Variants in WDR48 observed in about 807,000 individuals in gnomAD.
WDR48 encodes the protein WD repeat-containing protein 48.
WDR48 carries 22 observed loss-of-function variants against 94.0 expected under a neutral mutation model. That is an observed-to-expected ratio of 0.23 (90% CI 0.17 to 0.33). The LOEUF (loss-of-function observed/expected upper bound fraction) is 0.33. Ranked by LOEUF, WDR48 falls within the 10% of genes least tolerant of loss-of-function variation. The pLI is 1.00. For missense variants in WDR48, 541 were observed against 813.8 expected, an observed-to-expected ratio of 0.66 and a Z score of 4.08; for synonymous variants, 278 against 280.5, an observed-to-expected ratio of 0.99 and a Z score of 0.09.
rs1201057574 is a variant in WDR48, at chr3:39,089,216, A to T, written c.1581-15A>T. 2 of 1,608,744 alleles carry T rather than the reference A, an allele frequency of 1.2e-6. No homozygotes were observed. Among genetic ancestry groups the T allele is most frequent in the African/African-American group, 2.7e-5 (2 of 74,752 alleles). On this transcript the variant is annotated splice_polypyrimidine_tract_variant and intron_variant, in intron 15 of 18. Coordinates refer to ENST00000302313, the MANE Select transcript of WDR48 (RefSeq NM_020839.4). ...TGCTTGTTGGGTTACTTACTACTTGATGGTTTATGTTTAGGCTGCTCTGCC... is the reference window on the plus strand; with the variant it reads ...TGCTTGTTGGGTTACTTACTACTTGTTGGTTTATGTTTAGGCTGCTCTGCC...
Position 39,094,878 on chromosome 3 carries a change from C to G in WDR48, c.*135C>G. ...ATTGGTATGGACCGAGATTATCTTT[C>G]AATTGAAGTGACTAATCGAGATGTA... On this transcript the variant is annotated 3_prime_UTR_variant, in exon 19 of 19. Transcript: ENST00000302313. 1 of 1,138,048 alleles carries G rather than the reference C, an allele frequency of 8.8e-7. No individual in the cohort carries two copies. The highest frequency in any genetic ancestry group is 1.2e-6 in the Non-Finnish European group (1 of 801,730). The allele number at this position is 1,138,048 out of a possible 1,614,324, so 70.5% of individuals were successfully genotyped here.
In WDR48 at chr3:39,084,707, T is replaced by C; in HGVS notation, c.1344T>C (p.Ala448=). ...CTGCCTGGGTTTCTGCAAAAGATGC[T>C]GGTTTCAGCAGCCCTGATGGGTCAG... ...CFAAWVSAKD[A]GFSSPDGSDP... Residue 448 remains alanine, a synonymous_variant, in exon 13 of 19, where the codon GCT becomes GCC. Transcript: ENST00000302313. 6.2e-7 allele frequency: 1 copy of C among 1,613,910 alleles called. No individual in the cohort carries two copies. Among genetic ancestry groups the C allele is most frequent in the South Asian group, 1.1e-5 (1 of 91,068 alleles).
In WDR48 at chr3:39,063,063, T is replaced by C. The variant is rs775276053; in HGVS notation, c.62T>C (p.Ile21Thr). The C allele has an allele frequency of 2.5e-6, 4 of 1,614,106 alleles. No individual in the cohort carries two copies. Among genetic ancestry groups the C allele is most frequent in the Admixed American group, 3.3e-5 (2 of 60,016 alleles). ...GRRKVQVSYV[I>T]RDEVEKYNRN... is the part of the protein sequence containing the mutation. The stretch of plus-strand genomic sequence containing the variant: ...CACATTTGTCAGGTTTCCTATGTTA[T>C]TCGAGATGAAGTGGAGAAGTACAAC... Residue 21 changes from isoleucine to threonine, a missense_variant, in exon 2 of 19, where the codon ATT (isoleucine) becomes ACT (threonine). Coordinates refer to ENST00000302313, the MANE Select transcript of WDR48 (RefSeq NM_020839.4).
At chr3:39,072,123 A>G (rs989884758) in intron 7 of WDR48, among the ~76,000 whole-genome samples, 1 of 152,208 alleles carries the variant, frequency 6.6e-6, no homozygotes, top group African/African-American at 2.4e-5. Flanking sequence ...AATCCCATGA[A>G]TATCTACCTG....
intron 5 of WDR48, 70 bp downstream of exon 5, chr3:39,066,945 C>A: frequency 6.5e-7 from 1 of 1,546,788 alleles, no homozygotes; most frequent in South Asian, 1.2e-5. Flanking sequence ...GTTTATAAAA[C>A]ATTTTTGATA....
rs756337883 is a variant in WDR48 at position 39,094,757 on chromosome 3, G to A, written c.*14G>A. 7 of 1,613,820 alleles carry A rather than the reference G, an allele frequency of 4.3e-6. No homozygotes were observed. The Admixed American group carries it at 1.0e-4, about 23-fold the overall frequency. On this transcript the variant is annotated 3_prime_UTR_variant, in exon 19 of 19. Transcript: ENST00000302313. ...AAGTCCACGTGAAGGCTGGGCTAAT[G>A]CTCCTGGATATTCATTTACGACCTT...
At chr3:39,063,636 G>T (rs535616667) in intron 2 of WDR48, among the ~76,000 whole-genome samples, 2 of 151,950 alleles carry the variant, frequency 1.3e-5, no homozygotes, top group African/African-American at 4.8e-5. Flanking sequence ...AACCCCACAC[G>T]GCCTAACTAG....
chr3:39,058,686 C>T (rs1257771175), intron 1 of WDR48, among the ~76,000 whole-genome samples: 1 of 152,132 alleles, frequency 6.6e-6, no homozygotes, highest in African/African-American at 2.4e-5. Context: ...CTTTTATATG[C>T]CAGACACTAT....
chr3:39,092,127 A>G (rs557573627), intron 17 of WDR48, among the ~76,000 whole-genome samples: 3 of 152,344 alleles, frequency 2.0e-5, no homozygotes, highest in Admixed American at 1.3e-4. Flanking sequence ...AGCAAAGATC[A>G]TGCTACTGCA....
At chr3:39,082,636 C>G (rs1207424949) in intron 11 of WDR48, among the ~76,000 whole-genome samples, 1 of 152,022 alleles carries the variant, frequency 6.6e-6, no homozygotes, top group Non-Finnish European at 1.5e-5. Flanking sequence ...AAGAATGAGT[C>G]CCAGATTTCT....
At chr3:39,057,821 C>T (rs2032994416) in intron 1 of WDR48, among the ~76,000 whole-genome samples, 1 of 152,262 alleles carries the variant, frequency 6.6e-6, no homozygotes, top group Non-Finnish European at 1.5e-5. Context: ...CGGGGTTTCA[C>T]CATGTTGGCC....
chr3:39,078,364 G>T, intron 10 of WDR48, 125 bp downstream of exon 10: 6 of 682,288 alleles, frequency 8.8e-6, no homozygotes, highest in East Asian at 3.1e-5. Context: ...ATAATACATT[G>T]GTTTATTTTT....
At chr3:39,091,587 T>C (rs375529014) in intron 16 of WDR48, 38 bp from the exon 17 acceptor site, 9 of 1,444,866 alleles carry the variant, frequency 6.2e-6, no homozygotes, top group African/African-American at 2.9e-5. Flanking sequence ...TATCAACTAA[T>C]AGAAACTGTT....
rs574989221 is a variant in WDR48, at chr3:39,073,947, G to A, written c.673-779G>A. ...TCAAAAGGCTTGCTGGCCTAGTGCAGTGTTTGTCAAAGATAGTGAACATCA... is the reference window on the plus strand; with the variant it reads ...TCAAAAGGCTTGCTGGCCTAGTGCAATGTTTGTCAAAGATAGTGAACATCA... On this transcript the variant is annotated intron_variant, in intron 7 of 18. Transcript: ENST00000302313. 1.4e-4 allele frequency among the ~76,000 whole-genome samples: 22 copies of A among 152,324 alleles called. No homozygotes were observed. The South Asian group carries it at 4.6e-3, about 32-fold the overall frequency.
At chr3:39,052,816 G>A (rs539420975) in intron 1 of WDR48, among the ~76,000 whole-genome samples, 25 of 152,052 alleles carry the variant, frequency 1.6e-4, no homozygotes, top group Non-Finnish European at 3.4e-4. Flanking sequence ...TTTGTTTGCG[G>A]TTACGCTTAA....
intron 7 of WDR48, 131 bp from the exon 8 acceptor site, chr3:39,074,595 T>A: frequency 1.1e-6 from 1 of 921,412 alleles, no homozygotes; most frequent in Non-Finnish European, 1.6e-6. Context: ...TGTCAAGCCT[T>A]TATCAGAGGC....
chr3:39,066,970 G>A, intron 5 of WDR48, 95 bp downstream of exon 5: 1 of 1,440,378 alleles, frequency 6.9e-7, no homozygotes, highest in Non-Finnish European at 9.4e-7. Flanking sequence ...TGCATCGAGA[G>A]AGTGTTTCAT....
chr3:39,071,174 T>C (rs1368104537), intron 7 of WDR48, among the ~76,000 whole-genome samples: 1 of 152,246 alleles, frequency 6.6e-6, no homozygotes, highest in Non-Finnish European at 1.5e-5. Flanking sequence ...GTCCTTAATT[T>C]GCTTATCTGC....
chr3:39,092,712 TA>T (rs1198833831), intron 17 of WDR48, among the ~76,000 whole-genome samples: 5 of 152,134 alleles, frequency 3.3e-5, no homozygotes, highest in African/African-American at 1.2e-4. Context: ...GCAAATAAAA[TA>T]AAAAAAATTT....
Sources: gnomAD v4.1 joint callset for allele counts (sites outside exome capture counted in the v4.1 genomes callset) on GRCh38, gnomAD v4.1.1 for gene constraint, MANE v1.5 for transcripts, NCBI Gene and HGNC (gene_info 2026-07-23, HGNC 2026-07-21) for gene names.